ZNF257: variants seen among roughly 807,000 people sequenced by gnomAD.
ZNF257 encodes zinc finger protein 257.
In ZNF257, 12 loss-of-function variants were observed where a neutral mutation model predicts 11.9. The ratio of observed to expected loss-of-function variants is 1.01; its 90% CI spans 0.65 to 1.63. The LOEUF (loss-of-function observed/expected upper bound fraction) is 1.63, where lower values mean the gene tolerates loss of function less well. ZNF257 is among the 40% of genes most tolerant of loss of function. The pLI, the probability that ZNF257 is intolerant of heterozygous loss-of-function variation, is 0.00. For synonymous variants in ZNF257, 183 were observed against 222.7 expected (o/e 0.82, Z 1.59); for missense variants, 580 against 665.5 (o/e 0.87, Z 1.41).
rs2022590971 is a variant in ZNF257 at position 22,090,027 on chromosome 19, C to CT, written c.*586dup. 6.5e-6 allele frequency: 1 copy of CT among 154,690 alleles called. No individual in the cohort carries two copies. Among genetic ancestry groups the CT allele is most frequent in the East Asian group, 1.9e-4 (1 of 5,218 alleles). The allele number at this position is 154,690 out of a possible 1,614,324, so 9.6% of individuals were successfully genotyped here. A position where few individuals can be genotyped will look rare whatever the true frequency, so the allele number is the denominator to read the frequency against. ...GTAAAATAATTTATACCGGAGAAAA[C>CT]TCCAAGTGTGAAGAATATAACTTTT... On this transcript the variant is annotated 3_prime_UTR_variant, in exon 4 of 4. Transcript: ENST00000594947.
rs2022518512 is a variant in ZNF257 at position 22,088,102 on chromosome 19, A to G, written c.352A>G (p.Lys118Glu). 3 of 1,609,910 alleles carry G rather than the reference A, an allele frequency of 1.9e-6. No homozygotes were observed. The highest frequency in any genetic ancestry group is 2.2e-5 in the South Asian group (2 of 90,676). Residue 118 changes from lysine to glutamate, a missense_variant, in exon 4 of 4, where the codon AAA becomes GAA. By Grantham distance (56) the Lys-to-Glu change is moderately conservative. Coordinates refer to ENST00000594947, the MANE Select transcript of ZNF257 (RefSeq NM_033468.4). Reference sequence around the variant, plus strand: ...GAATTTACAATTAAGAAAGGGCTGTAAAAGTGTGGATGAGTGTAAGGTGTG... The same window carrying G: ...GAATTTACAATTAAGAAAGGGCTGTGAAAGTGTGGATGAGTGTAAGGTGTG... Reference protein sequence around the residue: ...HENLQLRKGCKSVDECKVCKG... With the variant: ...HENLQLRKGCESVDECKVCKG...
chr19:22,090,757 T>G lies in ZNF257; in HGVS notation c.*1315T>G, dbSNP rs1053352975. 29 of 152,190 alleles carry G rather than the reference T, an allele frequency of 1.9e-4. No individual in the cohort carries two copies. The highest frequency in any genetic ancestry group is 3.9e-4 in the Admixed American group (6 of 15,272). The allele number at this position is 152,190 out of a possible 1,614,324, so 9.4% of individuals were successfully genotyped here. On this transcript the variant is annotated 3_prime_UTR_variant, in exon 4 of 4. Transcript: ENST00000594947. Reference sequence around the variant, plus strand: ...AAAGCTTTTTAAAAGTAAATAATGATGTAAGTCAACTCTCAAATTACTTCA... The same window carrying G: ...AAAGCTTTTTAAAAGTAAATAATGAGGTAAGTCAACTCTCAAATTACTTCA...
chr19:22,080,612 C>T (rs183646663), intron 3 of ZNF257, among the ~76,000 whole-genome samples: 18 of 151,798 alleles, frequency 1.2e-4, no homozygotes, highest in Admixed American at 4.6e-4. Context: ...AAATTATCTA[C>T]TATCAGGCTT....
At chr19:22,061,740 G>A (rs916550913) in intron 1 of ZNF257, among the ~76,000 whole-genome samples, 7 of 151,714 alleles carry the variant, frequency 4.6e-5, no homozygotes, top group Non-Finnish European at 1.0e-4. Context: ...CTTCCAGCTT[G>A]TGTCCATTCC....
rs574994719 is a variant in ZNF257, at chr19:22,091,364, G to A, written c.*1922G>A. On this transcript the variant is annotated 3_prime_UTR_variant, in exon 4 of 4. Transcript: ENST00000594947. ...AATCCCAGCTATTTGGGAGATTGAGGCAAGAGAATCACGTGTACCCAGGAG... is the reference window on the plus strand; with the variant it reads ...AATCCCAGCTATTTGGGAGATTGAGACAAGAGAATCACGTGTACCCAGGAG... 3.4e-5 allele frequency: 5 copies of A among 147,408 alleles called. No individual in the cohort carries two copies. The East Asian group carries it at 8.4e-4, about 25-fold the overall frequency. 9.1% of individuals were successfully genotyped at this position (147,408 alleles called of 1,614,324 possible).
chr19:22,089,299 T>C lies in ZNF257; in HGVS notation c.1549T>C (p.Cys517Arg), dbSNP rs148612115. ...IIHTGEKPYK[C>R]EECGKPFNRF... ...TCATACTGGAGAGAAACCCTACAAATGTGAAGAATGTGGCAAGCCTTTTAA... is the reference window on the plus strand; with the variant it reads ...TCATACTGGAGAGAAACCCTACAAACGTGAAGAATGTGGCAAGCCTTTTAA... Residue 517 changes from cysteine (C) to arginine (R), a missense_variant, in exon 4 of 4, where the codon TGT (cysteine) becomes CGT (arginine). By Grantham distance (180) the Cys-to-Arg change is radical (BLOSUM62 -3). Transcript: ENST00000594947. 1,861 of 1,613,878 alleles carry C rather than the reference T, an allele frequency of 1.2e-3. 32 individuals carry two copies. The East Asian group carries it at 0.037, about 32-fold the overall frequency.
At position 22,063,752 on chromosome 19, in the gene ZNF257, G is replaced by T. The variant is rs146174182; in HGVS notation, c.4-9057G>T. ...GTATAATGTAGGGATTTTTGTATTT[G>T]CTGAGTATTGTTTTATTTCTAATTG... On this transcript the variant is annotated intron_variant, in intron 1 of 3. Coordinates refer to ENST00000594947, the MANE Select transcript of ZNF257 (RefSeq NM_033468.4). Among the ~76,000 whole-genome samples the T allele has an allele frequency of 7.8e-3, 1,181 of 152,238 alleles. 9 individuals are homozygous for T. The highest frequency in any genetic ancestry group is 0.027 in the African/African-American group (1,108 of 41,554).
rs2022610934 is a variant in ZNF257, at chr19:22,090,885, G to A, written c.*1443G>A. The A allele has an allele frequency of 6.6e-6, 1 of 152,038 alleles. No homozygotes were observed. The highest frequency in any genetic ancestry group is 1.5e-5 in the Non-Finnish European group (1 of 68,012). The allele number at this position is 152,038 out of a possible 1,614,324, so 9.4% of individuals were successfully genotyped here. A position where few individuals can be genotyped will look rare whatever the true frequency, so the allele number is the denominator to read the frequency against. On this transcript the variant is annotated 3_prime_UTR_variant, in exon 4 of 4. Transcript: ENST00000594947. ...ACTTTATTAGGTGGGAATTATATAC[G>A]ACCTCTTCTATAAAATAGTAAGGAC... is the stretch of plus-strand genomic sequence containing the variant.
At chr19:22,064,748 G>A (rs1030326532) in intron 1 of ZNF257, among the ~76,000 whole-genome samples, 9 of 152,086 alleles carry the variant, frequency 5.9e-5, no homozygotes, top group Admixed American at 3.9e-4. Flanking sequence ...GGCAACCTGC[G>A]TTTATATACT....
intron 3 of ZNF257, among the ~76,000 whole-genome samples, chr19:22,084,322 T>A (rs1259029911): frequency 2.0e-5 from 3 of 152,154 alleles, no homozygotes; most frequent in Non-Finnish European, 4.4e-5. Flanking sequence ...AAAGTTTACG[T>A]GTTGCATTCT....
intron 3 of ZNF257, among the ~76,000 whole-genome samples, chr19:22,087,115 A>G (rs947052362): frequency 1.3e-5 from 2 of 151,586 alleles, no homozygotes; most frequent in Non-Finnish European, 2.9e-5. Flanking sequence ...TTAAATTTCT[A>G]AAATTTATAC....
intron 3 of ZNF257, among the ~76,000 whole-genome samples, chr19:22,086,511 A>G (rs76446294): frequency 0.014 from 2,077 of 152,180 alleles, 136 homozygotes; most frequent in East Asian, 0.12. Flanking sequence ...TCCCAGGAAC[A>G]TGTATTTTTA....
intron 1 of ZNF257, among the ~76,000 whole-genome samples, chr19:22,069,348 C>T (rs1320476878): frequency 6.6e-6 from 1 of 152,042 alleles, no homozygotes; most frequent in Non-Finnish European, 1.5e-5. Flanking sequence ...GGCGTGGTGG[C>T]TTACGCCTGT....
chr19:22,082,311 C>T (rs1262073368), intron 3 of ZNF257, among the ~76,000 whole-genome samples: 1 of 151,932 alleles, frequency 6.6e-6, no homozygotes, highest in Non-Finnish European at 1.5e-5. Flanking sequence ...TGATGCTGTG[C>T]GAATTTTATT....
At chr19:22,063,027 A>C (rs905427538) in intron 1 of ZNF257, among the ~76,000 whole-genome samples, 2 of 151,910 alleles carry the variant, frequency 1.3e-5, no homozygotes, top group African/African-American at 4.8e-5. Flanking sequence ...GGAGCTTGTT[A>C]TTTGTCTATT....
At chr19:22,086,813 A>G (rs2022487163) in intron 3 of ZNF257, among the ~76,000 whole-genome samples, 1 of 152,082 alleles carries the variant, frequency 6.6e-6, no homozygotes, top group Non-Finnish European at 1.5e-5. Flanking sequence ...TATGCCAATA[A>G]ATGACACATC....
chr19:22,089,706 C>G lies in ZNF257; in HGVS notation c.*264C>G, dbSNP rs1416352393. The G allele has an allele frequency of 1.3e-6, 1 of 775,476 alleles. No homozygotes were observed. The highest frequency in any genetic ancestry group is 3.9e-5 in the East Asian group (1 of 25,430). The allele number at this position is 775,476 out of a possible 1,614,324, so 48.0% of individuals were successfully genotyped here. On this transcript the variant is annotated 3_prime_UTR_variant, in exon 4 of 4. Transcript: ENST00000594947. Reference sequence around the variant, plus strand: ...GAACACATGTGGAAGATAAAGCCTACAAATATGAAGAATGTGACAAGGCCT... The same window carrying G: ...GAACACATGTGGAAGATAAAGCCTAGAAATATGAAGAATGTGACAAGGCCT...
chr19:22,058,622 T>C (rs1309221553), intron 1 of ZNF257, among the ~76,000 whole-genome samples: 1 of 152,196 alleles, frequency 6.6e-6, no homozygotes, highest in East Asian at 1.9e-4. Context: ...AGAAGAAAGA[T>C]ACCACAGAGG....
At chr19:22,059,643 C>T (rs200828462) in intron 1 of ZNF257, among the ~76,000 whole-genome samples, 31 of 136,858 alleles carry the variant, frequency 2.3e-4, no homozygotes, top group Non-Finnish European at 2.7e-4. Context: ...TGTTTCTTTT[C>T]TTTTTTTTTT....
Sources: allele counts gnomAD v4.1 joint callset (sites outside exome capture counted in the v4.1 genomes callset), GRCh38; gene constraint gnomAD v4.1.1; transcripts MANE v1.5; gene names NCBI Gene and HGNC (gene_info 2026-07-23, HGNC 2026-07-21).